XKR9: variants seen among roughly 807,000 people sequenced by gnomAD.
The protein encoded by XKR9 is XK-related protein 9.
XKR9 carries 32 observed loss-of-function variants against 32.0 expected under a neutral mutation model. The ratio of observed to expected loss-of-function variants is 1.00; its 90% CI spans 0.76 to 1.34. The LOEUF (loss-of-function observed/expected upper bound fraction) is 1.34, where lower values mean the gene tolerates loss of function less well. XKR9 is among the 40% of genes most tolerant of loss of function. The pLI is 0.00. For synonymous variants in XKR9, 168 were observed against 143.4 expected, an observed-to-expected ratio of 1.17 and a Z score of -1.22; for missense variants, 546 against 429.7, an observed-to-expected ratio of 1.27 and a Z score of -2.39.
At chr8:70,929,407 C>T in the XKR9 span, among the ~76,000 whole-genome samples, 2 of 152,166 alleles carry the variant, frequency 1.3e-5, no homozygotes, top group Non-Finnish European at 2.9e-5. Context: ...TATAACAGAT[C>T]ACCACAGATT....
At chr8:70,965,482 G>A in the XKR9 span, among the ~76,000 whole-genome samples, 1 of 152,156 alleles carries the variant, frequency 6.6e-6, no homozygotes, top group South Asian at 2.1e-4. Context: ...TTGCGGAGGA[G>A]TACCTCGTTT....
the XKR9 span, among the ~76,000 whole-genome samples, chr8:70,857,163 C>CA: frequency 6.6e-6 from 1 of 151,970 alleles, no homozygotes; most frequent in Non-Finnish European, 1.5e-5. Flanking sequence ...AAAAACCCTT[C>CA]AAAAAATCAA....
intron 2 of XKR9, among the ~76,000 whole-genome samples, chr8:70,764,732 C>T (rs1464745444): frequency 1.3e-5 from 2 of 152,088 alleles, no homozygotes; most frequent in Non-Finnish European, 1.5e-5. Flanking sequence ...CTAATGCTAT[C>T]CCTCCCCTTG....
the XKR9 span, among the ~76,000 whole-genome samples, chr8:70,818,168 TTTG>T: frequency 2.0e-5 from 3 of 150,328 alleles, no homozygotes; most frequent in Non-Finnish European, 3.0e-5. Flanking sequence ...GAGAGTGTTT[TTTG>T]TTGTTGTTGT....
chr8:70,695,863 T>G (rs1343152311), intron 3 of XKR9, among the ~76,000 whole-genome samples: 1 of 149,822 alleles, frequency 6.7e-6, no homozygotes, highest in African/African-American at 2.4e-5. Flanking sequence ...TTTTAATGAT[T>G]GCCATTCTAA....
At chr8:70,770,337 G>A (rs538318363) in intron 2 of XKR9, among the ~76,000 whole-genome samples, 5 of 152,152 alleles carry the variant, frequency 3.3e-5, no homozygotes, top group South Asian at 4.1e-4. Flanking sequence ...AGGAGCACCC[G>A]CCAGATGCCA....
chr8:70,890,315 A>T, the XKR9 span, among the ~76,000 whole-genome samples: 1 of 151,922 alleles, frequency 6.6e-6, no homozygotes, highest in Non-Finnish European at 1.5e-5. Context: ...CTTTTGTCTA[A>T]TTGCTGTGGC....
the XKR9 span, among the ~76,000 whole-genome samples, chr8:70,901,199 G>A: frequency 6.7e-3 from 1,021 of 152,242 alleles, 11 homozygotes; most frequent in African/African-American, 0.021. Flanking sequence ...GGGTCAAATG[G>A]TATTTCTAGT....
At chr8:71,057,970 A>G in the XKR9 span, among the ~76,000 whole-genome samples, 1 of 152,078 alleles carries the variant, frequency 6.6e-6, no homozygotes. Context: ...GGATCACGAG[A>G]TCAGATCGAG....
At chr8:70,775,800 A>G (rs1807510593) in intron 2 of XKR9, among the ~76,000 whole-genome samples, 1 of 151,164 alleles carries the variant, frequency 6.6e-6, no homozygotes, top group African/African-American at 2.4e-5. Flanking sequence ...CCCAGACTAC[A>G]GTGGCGCAAT....
chr8:70,805,451 C>T, the XKR9 span, among the ~76,000 whole-genome samples: 3 of 152,184 alleles, frequency 2.0e-5, no homozygotes, highest in Non-Finnish European at 4.4e-5. Context: ...CATTTGAGCT[C>T]CTTGGGGGAA....
the XKR9 span, among the ~76,000 whole-genome samples, chr8:70,810,650 A>G: frequency 1.3e-5 from 2 of 152,202 alleles, no homozygotes; most frequent in Non-Finnish European, 2.9e-5. Context: ...CTAGTCTCTG[A>G]TAAAACAGAA....
chr8:70,895,329 G>C, the XKR9 span, among the ~76,000 whole-genome samples: 1 of 152,098 alleles, frequency 6.6e-6, no homozygotes, highest in East Asian at 1.9e-4. Flanking sequence ...CTCTCCCTCA[G>C]TTATTTTCAT....
the XKR9 span, among the ~76,000 whole-genome samples, chr8:70,953,339 T>C: frequency 6.6e-6 from 1 of 152,182 alleles, no homozygotes; most frequent in African/African-American, 2.4e-5. Context: ...TGAGACAGGG[T>C]CTTGCTCTGT....
chr8:70,834,294 T>G, the XKR9 span, among the ~76,000 whole-genome samples: 1 of 152,156 alleles, frequency 6.6e-6, no homozygotes, highest in Non-Finnish European at 1.5e-5. Flanking sequence ...TCATTTTCAC[T>G]GCTGCATTAT....
chr8:70,882,235 A>G, the XKR9 span, among the ~76,000 whole-genome samples: 2 of 152,264 alleles, frequency 1.3e-5, no homozygotes, highest in African/African-American at 4.8e-5. Flanking sequence ...CATTGTGCAC[A>G]TGTACCCTAG....
intron 3 of XKR9, among the ~76,000 whole-genome samples, chr8:70,703,084 T>A (rs545579082): frequency 6.6e-6 from 1 of 152,282 alleles, no homozygotes; most frequent in South Asian, 2.1e-4. Context: ...TTATTTTGCT[T>A]GGGTTCATTG....
At chr8:71,047,841 C>T in the XKR9 span, among the ~76,000 whole-genome samples, 2 of 152,170 alleles carry the variant, frequency 1.3e-5, no homozygotes, top group Admixed American at 1.3e-4. Context: ...CGGAAATCTA[C>T]TCATTTGTAT....
chr8:70,814,662 AG>A, the XKR9 span, among the ~76,000 whole-genome samples: 1 of 152,142 alleles, frequency 6.6e-6, no homozygotes, highest in African/African-American at 2.4e-5. Flanking sequence ...AATGTGGAAA[AG>A]TTTCCTCTAA....
Sources: gnomAD v4.1 joint callset for allele counts (sites outside exome capture counted in the v4.1 genomes callset) on GRCh38, gnomAD v4.1.1 for gene constraint, MANE v1.5 for transcripts, NCBI Gene and HGNC (gene_info 2026-07-23, HGNC 2026-07-21) for gene names.